Variants in VRK2 observed in about 807,000 individuals in gnomAD.
VRK2 encodes the protein VRK serine/threonine kinase 2.
In VRK2, 60 loss-of-function variants were observed where a neutral mutation model predicts 57.6. The observed-to-expected ratio is 1.04, with a 90% CI of 0.85 to 1.29. The LOEUF (loss-of-function observed/expected upper bound fraction) is 1.29, where lower values mean the gene tolerates loss of function less well. VRK2 is among the 50% of genes most tolerant of loss of function. The pLI, the probability that VRK2 is intolerant of heterozygous loss-of-function variation, is 0.00. For synonymous variants in VRK2, 231 were observed against 199.2 expected, an observed-to-expected ratio of 1.16 and a Z score of -1.35; for missense variants, 705 against 588.1, an observed-to-expected ratio of 1.20 and a Z score of -2.06.
chr2:58,021,743 G>C (rs1161638400), intron 1 of VRK2, among the ~76,000 whole-genome samples: 1 of 152,022 alleles, frequency 6.6e-6, no homozygotes, highest in African/African-American at 2.4e-5. Context: ...TCAGCCAGTA[G>C]CATCCCCCAT....
chr2:57,934,885 T>C (rs57858973), intron 1 of VRK2, among the ~76,000 whole-genome samples: 3,645 of 152,320 alleles, frequency 0.024, 145 homozygotes, highest in African/African-American at 0.083. Context: ...CATTCATTTA[T>C]TACATTCTTT....
chr2:57,981,304 T>G (rs1030668490), intron 1 of VRK2, among the ~76,000 whole-genome samples: 15 of 152,192 alleles, frequency 9.9e-5, no homozygotes, highest in African/African-American at 3.6e-4. Flanking sequence ...GAAGCTTAGT[T>G]TGGCCAGACA....
At chr2:58,103,594 C>T (rs1172418767) in intron 7 of VRK2, among the ~76,000 whole-genome samples, 1 of 151,286 alleles carries the variant, frequency 6.6e-6, no homozygotes, top group Non-Finnish European at 1.5e-5. Flanking sequence ...GAGATAGAAT[C>T]GGTAATAGAA....
At chr2:57,957,790 C>T (rs1671633691) in intron 1 of VRK2, among the ~76,000 whole-genome samples, 1 of 151,878 alleles carries the variant, frequency 6.6e-6, no homozygotes, top group Non-Finnish European at 1.5e-5. Context: ...CTCTCCAGTA[C>T]TGAAAACTGT....
chr2:58,044,230 G>A (rs1674581259), upstream of VRK2, among the ~76,000 whole-genome samples: 2 of 151,996 alleles, frequency 1.3e-5, no homozygotes, highest in African/African-American at 4.8e-5. Context: ...CCATCTTTGT[G>A]GTCACACGAT....
intron 7 of VRK2, among the ~76,000 whole-genome samples, chr2:58,119,100 G>T (rs1186593499): frequency 1.3e-5 from 2 of 152,296 alleles, no homozygotes; most frequent in East Asian, 3.9e-4. Flanking sequence ...CAGGGGATGC[G>T]ATGGCTTGGC....
Position 58,159,577 on chromosome 2 carries a change from T to C in VRK2, c.1411T>C (p.Trp471Arg), listed in dbSNP as rs1234343264. The stretch of plus-strand genomic sequence containing the variant: ...AGACTTAGAAAGTTCAACTGGACTT[T>C]GGCCTACAATTTCCCAGTTTACTCT... ...ITDLESSTGL[W>R]PTISQFTLSE... is the part of the protein sequence containing the mutation. Residue 471 changes from tryptophan to arginine, a missense_variant, in exon 13 of 13, where the codon TGG becomes CGG. Trp to Arg is a moderately radical substitution (Grantham distance 101, BLOSUM62 -3). Transcript: ENST00000340157. The C allele has an allele frequency of 5.0e-6, 8 of 1,613,818 alleles. No homozygotes were observed. Among genetic ancestry groups the C allele is most frequent in the Non-Finnish European group, 6.8e-6 (8 of 1,179,854 alleles).
chr2:57,975,072 A>G (rs1672207764), intron 1 of VRK2, among the ~76,000 whole-genome samples: 1 of 152,012 alleles, frequency 6.6e-6, no homozygotes, highest in Non-Finnish European at 1.5e-5. Flanking sequence ...ATTATGTTTC[A>G]TGAATTAGCT....
chr2:57,973,849 T>C (rs894345123), intron 1 of VRK2, among the ~76,000 whole-genome samples: 1 of 151,442 alleles, frequency 6.6e-6, no homozygotes, highest in Admixed American at 6.6e-5. Flanking sequence ...CAATATCTAG[T>C]GGAGAAAAAA....
rs534001281 is a variant in VRK2, at chr2:58,137,037, CATAT to C, written c.856+1842_856+1845del. Among the ~76,000 whole-genome samples the C allele has an allele frequency of 1.3e-4, 16 of 123,934 alleles. 1 individual carries two copies. Among genetic ancestry groups the C allele is most frequent in the African/African-American group, 4.8e-4 (15 of 31,320 alleles). The allele number at this position is 123,934 out of a possible 152,430, so 81.3% of individuals were successfully genotyped here. Reference sequence around the variant, plus strand: ...ATATATCTCATATGTGTATATATATCATATATAATATATATGTGTATATATCATA... The same window carrying C: ...ATATATCTCATATGTGTATATATATCATAATATATATGTGTATATATCATA... On this transcript the variant is annotated intron_variant, in intron 10 of 12. Transcript: ENST00000340157.
chr2:58,109,533 T>A (rs988322107), intron 7 of VRK2, among the ~76,000 whole-genome samples: 1 of 152,126 alleles, frequency 6.6e-6, no homozygotes, highest in Non-Finnish European at 1.5e-5. Flanking sequence ...GTAACTGCTA[T>A]CATGGCAGAA....
intron 7 of VRK2, among the ~76,000 whole-genome samples, chr2:58,117,048 G>T (rs1302260730): frequency 1.3e-5 from 2 of 152,126 alleles, no homozygotes; most frequent in Admixed American, 6.6e-5. Flanking sequence ...TCCTGTTGTG[G>T]GGTTTGAGGG....
chr2:58,121,075 C>T (rs1353701712), intron 7 of VRK2, among the ~76,000 whole-genome samples: 2 of 152,182 alleles, frequency 1.3e-5, no homozygotes, highest in East Asian at 3.9e-4. Context: ...GTCAGAATTG[C>T]CATAGATTCC....
chr2:57,974,375 T>C lies in VRK2; in HGVS notation c.-438-51290T>C, dbSNP rs551436010. On this transcript the variant is annotated intron_variant, in intron 1 of 15. Coordinates refer to the VRK2 transcript ENST00000417641. ...TTGGTAATTCTAAAACAAACTAACA[T>C]AAAATACTCACACTTTTAAAGTATA... Among the ~76,000 whole-genome samples, 39 of 151,934 alleles carry C rather than the reference T, an allele frequency of 2.6e-4. No homozygotes were observed. The East Asian group carries it at 7.5e-3, about 29-fold the overall frequency.
chr2:58,059,003 TAGTATTGGCAGCTAATTTAAGAAATC>T (rs1258852380), intron 2 of VRK2, among the ~76,000 whole-genome samples: 6 of 152,074 alleles, frequency 3.9e-5, no homozygotes, highest in Non-Finnish European at 8.8e-5. Context: ...ATGTAACTGA[TAGTATTGGCAGCTAATTTAAGAAATC>T]TGTTAGTGAT....
intron 2 of VRK2, among the ~76,000 whole-genome samples, chr2:58,062,372 G>A (rs903386374): frequency 3.3e-5 from 5 of 152,024 alleles, no homozygotes; most frequent in South Asian, 2.1e-4. Context: ...TAACCCTAAC[G>A]TGGCCTTTAA....
upstream of VRK2, among the ~76,000 whole-genome samples, chr2:58,044,937 C>A (rs181571039): frequency 2.3e-3 from 343 of 152,258 alleles, 1 homozygote; most frequent in Middle Eastern, 3.4e-3. Flanking sequence ...AGGGATACTG[C>A]TAAATATCCT....
chr2:58,090,104 T>C (rs767531768), intron 7 of VRK2, among the ~76,000 whole-genome samples: 3 of 150,166 alleles, frequency 2.0e-5, no homozygotes, highest in Non-Finnish European at 4.5e-5. Context: ...AATTAAGTTT[T>C]AAGCAGAGAG....
At chr2:57,935,108 GA>G (rs1411227567) in intron 1 of VRK2, among the ~76,000 whole-genome samples, 1 of 152,140 alleles carries the variant, frequency 6.6e-6, no homozygotes, top group African/African-American at 2.4e-5. Flanking sequence ...AATAATTGGG[GA>G]TTTCTTTGGG....
Sources: allele counts gnomAD v4.1 joint callset (sites outside exome capture counted in the v4.1 genomes callset), GRCh38; gene constraint gnomAD v4.1.1; transcripts MANE v1.5; gene names NCBI Gene and HGNC (gene_info 2026-07-23, HGNC 2026-07-21).